The following CEP152 variants were observed in gnomAD, a reference collection of about 807,000 sequenced individuals.
CEP152 encodes the protein centrosomal protein 152.
CEP152 carries 132 observed loss-of-function variants against 188.9 expected under a neutral mutation model. The observed-to-expected ratio is 0.70, with a 90% confidence interval of 0.61 to 0.81. The LOEUF is 0.81. Ranked by LOEUF, CEP152 falls within the 30% of genes least tolerant of loss-of-function variation. CEP152 has a pLI of 0.00. For synonymous variants in CEP152, 649 were observed against 666.6 expected (o/e 0.97, Z 0.41); for missense variants, 1,914 against 1,969.8 (o/e 0.97, Z 0.54).
intron 3 of CEP152, 92 bp downstream of exon 3, chr15:48,797,856 C>T: frequency 1.4e-6 from 2 of 1,480,088 alleles, no homozygotes; most frequent in African/African-American, 1.4e-5. Flanking sequence ...AATCAATTTA[C>T]AATTTTATAA....
chr15:48,760,134 C>A lies in CEP152; in HGVS notation c.2694+1G>T, dbSNP rs1349385657. Reference sequence around the variant, plus strand: ...AAGTGTCTTTGCAGAAGAGCTCTTACCCTTTTGTTCACAGAGACCTCATGC... The same window carrying A: ...AAGTGTCTTTGCAGAAGAGCTCTTAACCTTTTGTTCACAGAGACCTCATGC... On this transcript the variant is annotated splice_donor_variant, in intron 19 of 26. Transcript: ENST00000380950. LOFTEE classifies it high-confidence loss of function. 2 of 1,613,896 alleles carry A rather than the reference C, an allele frequency of 1.2e-6. No homozygotes were observed. The highest frequency in any genetic ancestry group is 8.5e-7 in the Non-Finnish European group (1 of 1,179,862).
chr15:48,804,388 A>T (rs930748662), intron 2 of CEP152, among the ~76,000 whole-genome samples: 4 of 152,252 alleles, frequency 2.6e-5, no homozygotes, highest in Non-Finnish European at 5.9e-5. Context: ...AGCAATGGTC[A>T]ACTGACCCTA....
chr15:48,783,827 A>T, intron 10 of CEP152, 146 bp downstream of exon 10: 1 of 416,602 alleles, frequency 2.4e-6, no homozygotes, highest in African/African-American at 2.1e-5. Context: ...TATATATAAA[A>T]ATATATATTT....
rs532227703 is a variant in CEP152, at chr15:48,797,917, T to A, written c.191+31A>T. 1.9e-6 allele frequency: 3 copies of A among 1,559,524 alleles called. No homozygotes were observed. In the African/African-American group the frequency reaches 4.1e-5, roughly 21 times the overall value. On this transcript the variant is annotated intron_variant, in intron 3 of 26. Transcript: ENST00000380950. ...AAGAAAAAGACTTATAGAATTGCAA[T>A]ATACAAGTGAAAGTGACTTCAGGTG... is the stretch of plus-strand genomic sequence containing the variant.
chr15:48,755,265 C>T (rs888637267), intron 20 of CEP152, among the ~76,000 whole-genome samples: 4 of 151,994 alleles, frequency 2.6e-5, no homozygotes, highest in Non-Finnish European at 4.4e-5. Flanking sequence ...GAGTTTTATG[C>T]GAGTGAGTCG....
chr15:48,766,988 T>A, intron 17 of CEP152, 72 bp downstream of exon 17: 1 of 1,587,330 alleles, frequency 6.3e-7, no homozygotes, highest in South Asian at 1.1e-5. Context: ...AGAACAAATG[T>A]ATTCGTTTAA....
At chr15:48,741,379 G>A in intron 26 of CEP152, 1 of 1,375,528 alleles carries the variant, frequency 7.3e-7, no homozygotes, top group South Asian at 1.6e-5. Context: ...ATCATTTCGA[G>A]GGATGGAAGC....
At chr15:48,750,560 T>C (rs1454152198) in intron 21 of CEP152, among the ~76,000 whole-genome samples, 7 of 152,136 alleles carry the variant, frequency 4.6e-5, no homozygotes, top group Admixed American at 4.6e-4. Context: ...ATATTTTTCA[T>C]CTAGGATACT....
At chr15:48,744,650 A>G (rs1042942170) in intron 23 of CEP152, among the ~76,000 whole-genome samples, 2 of 152,174 alleles carry the variant, frequency 1.3e-5, no homozygotes, top group African/African-American at 4.8e-5. Flanking sequence ...AAAAGTTATA[A>G]AATACCTTAT....
chr15:48,786,065 G>A (rs1014365297), intron 9 of CEP152, among the ~76,000 whole-genome samples: 16 of 141,912 alleles, frequency 1.1e-4, no homozygotes, highest in Admixed American at 2.7e-4. Context: ...AACAGAAAGT[G>A]TTCAAAGTGG....
At chr15:48,741,739 T>C in intron 25 of CEP152, 35 bp from the exon 26 acceptor site, 1 of 1,613,354 alleles carries the variant, frequency 6.2e-7, no homozygotes, top group Non-Finnish European at 8.5e-7. Flanking sequence ...AAATATAGTT[T>C]AAAGGAAAAA....
chr15:48,768,040 A>G (rs1397670896), intron 15 of CEP152, among the ~76,000 whole-genome samples, 179 bp downstream of exon 15: 1 of 152,208 alleles, frequency 6.6e-6, no homozygotes, highest in Non-Finnish European at 1.5e-5. Context: ...CACTGTTTCT[A>G]TGGAAAATGT....
chr15:48,783,300 T>G (rs1463244043), intron 10 of CEP152: 1 of 152,150 alleles, frequency 6.6e-6, no homozygotes, highest in Non-Finnish European at 1.5e-5. Flanking sequence ...TGTCTCAAAC[T>G]TAATACTATA....
chr15:48,797,405 G>A lies in CEP152; in HGVS notation c.436C>T (p.Leu146Phe), dbSNP rs1897367379. 6.2e-7 allele frequency: 1 copy of A among 1,614,114 alleles called. No individual in the cohort carries two copies. Among genetic ancestry groups the A allele is most frequent in the South Asian group, 1.1e-5 (1 of 91,082 alleles). The change falls in exon 5 of 27, where the codon CTT (leucine) becomes TTT (phenylalanine). Residue 146 changes from leucine (L) to phenylalanine (F), a missense_variant. By Grantham distance (22) the Leu-to-Phe change is conservative. Coordinates refer to ENST00000380950, the MANE Select transcript of CEP152 (RefSeq NM_001194998.2). ...GTATATGGCCTAAAGTTTTCAGGAA[G>A]GTGATATAAATCAGTCTGTTCACAT... ...SKCEQTDLYH[L>F]PENFRPYTNG...
chr15:48,778,128 G>C (rs1896033790), intron 12 of CEP152, among the ~76,000 whole-genome samples: 1 of 152,192 alleles, frequency 6.6e-6, no homozygotes, highest in Admixed American at 6.5e-5. Context: ...TCTGCAAGCT[G>C]CATGCAGATT....
rs1595708915 is a variant in CEP152 at position 48,805,653 on chromosome 15, C to A, written c.-4G>T. ...CACTGCCAAAGTCTAATGACATGGT[C>A]CTCCTGTGGGAAGGGAAAGATGTTT... is the stretch of plus-strand genomic sequence containing the variant. On this transcript the variant is annotated 5_prime_UTR_variant, in exon 2 of 27. Transcript: ENST00000380950. 1.1e-5 allele frequency: 17 copies of A among 1,611,764 alleles called. No homozygotes were observed. Among genetic ancestry groups the A allele is most frequent in the Non-Finnish European group, 1.4e-5 (16 of 1,179,056 alleles).
At chr15:48,800,976 C>G (rs956333668) in intron 2 of CEP152, among the ~76,000 whole-genome samples, 9 of 152,158 alleles carry the variant, frequency 5.9e-5, no homozygotes, top group African/African-American at 2.2e-4. Context: ...ACATGTAAAC[C>G]TTTTGTTAGG....
intron 2 of CEP152, among the ~76,000 whole-genome samples, chr15:48,800,856 GA>G (rs926445971): frequency 1.3e-5 from 2 of 148,708 alleles, no homozygotes; most frequent in African/African-American, 2.5e-5. Context: ...TTCTTAAAAA[GA>G]AAAAAAAAGA....
chr15:48,776,442 G>A (rs1210605340), intron 12 of CEP152, among the ~76,000 whole-genome samples: 3 of 152,018 alleles, frequency 2.0e-5, no homozygotes, highest in Non-Finnish European at 4.4e-5. Flanking sequence ...AAACTTTAGG[G>A]CTGTTTAGTA....
Sources: gnomAD v4.1 joint callset for allele counts (sites outside exome capture counted in the v4.1 genomes callset) on GRCh38, gnomAD v4.1.1 for gene constraint, MANE v1.5 for transcripts, NCBI Gene and HGNC (gene_info 2026-07-23, HGNC 2026-07-21) for gene names.